CNTN4: variants seen among roughly 807,000 people sequenced by gnomAD.
CNTN4 encodes contactin 4.
In CNTN4, 77 loss-of-function variants were observed where a neutral mutation model predicts 122.5. That is an observed-to-expected ratio of 0.63 (90% CI 0.52 to 0.76). The LOEUF (loss-of-function observed/expected upper bound fraction) is 0.76. Ranked by LOEUF, CNTN4 falls within the 30% of genes least tolerant of loss-of-function variation. CNTN4 has a pLI of 0.00. For synonymous variants in CNTN4, 512 were observed against 447.0 expected, an observed-to-expected ratio of 1.15 and a Z score of -1.83; for missense variants, 1,256 against 1,259.1, an observed-to-expected ratio of 1.00 and a Z score of 0.04.
intron 3 of CNTN4, among the ~76,000 whole-genome samples, chr3:2,377,786 A>G (rs529303376): frequency 4.2e-5 from 4 of 94,744 alleles, no homozygotes; most frequent in Admixed American, 3.8e-4. Flanking sequence ...TTTTTTTTTA[A>G]CCTCATCAGT....
At chr3:2,270,922 C>A (rs1396442714) in intron 2 of CNTN4, among the ~76,000 whole-genome samples, 1 of 152,086 alleles carries the variant, frequency 6.6e-6, no homozygotes, top group Non-Finnish European at 1.5e-5. Context: ...AGGCTGTGGT[C>A]AGTTGGTACC....
intron 3 of CNTN4, among the ~76,000 whole-genome samples, chr3:2,567,334 C>T (rs1164183932): frequency 2.6e-5 from 4 of 151,768 alleles, no homozygotes; most frequent in South Asian, 2.1e-4. Flanking sequence ...GATCCACCCA[C>T]CTCGGCCTCC....
chr3:2,600,151 T>C (rs552495622), intron 4 of CNTN4, among the ~76,000 whole-genome samples: 1 of 151,296 alleles, frequency 6.6e-6, no homozygotes, highest in Non-Finnish European at 1.5e-5. Flanking sequence ...CCCAAACTAC[T>C]CTCTCCTCTC....
chr3:2,590,199 A>G (rs367666186), intron 4 of CNTN4, among the ~76,000 whole-genome samples: 4 of 152,152 alleles, frequency 2.6e-5, no homozygotes, highest in African/African-American at 4.8e-5. Flanking sequence ...TCCATTCTCC[A>G]TGGAGAATCC....
At chr3:2,206,899 A>G (rs1363337133) in intron 2 of CNTN4, among the ~76,000 whole-genome samples, 3 of 148,044 alleles carry the variant, frequency 2.0e-5, no homozygotes, top group Non-Finnish European at 4.5e-5. Context: ...TTTTTAAAGA[A>G]TTTTAAGGTT....
At chr3:2,154,925 A>G (rs113315685) in intron 2 of CNTN4, among the ~76,000 whole-genome samples, 2 of 152,364 alleles carry the variant, frequency 1.3e-5, no homozygotes, top group African/African-American at 4.8e-5. Flanking sequence ...AGTGCTGCTC[A>G]TGGTAAATAG....
chr3:2,704,480 G>T (rs776554657), intron 4 of CNTN4, among the ~76,000 whole-genome samples: 2 of 151,956 alleles, frequency 1.3e-5, no homozygotes, highest in African/African-American at 2.4e-5. Context: ...AATGGCAGAA[G>T]AAAGAAGAGA....
intron 7 of CNTN4, among the ~76,000 whole-genome samples, chr3:2,851,749 TTACC>T (rs1386858123): frequency 6.6e-6 from 1 of 152,228 alleles, no homozygotes; most frequent in East Asian, 1.9e-4. Context: ...AGATACCTAC[TTACC>T]TACTGCCTTT....
rs73009633 is a variant in CNTN4 at position 2,619,241 on chromosome 3, C to T, written c.55+47683C>T. Among the ~76,000 whole-genome samples, 1,264 of 152,212 alleles carry T rather than the reference C, an allele frequency of 8.3e-3. 11 individuals carry two copies. Among genetic ancestry groups the T allele is most frequent in the Non-Finnish European group, 0.014 (961 of 68,014 alleles). The stretch of plus-strand genomic sequence containing the variant: ...AAAAGAAGAGAAAATATCATGATTC[C>T]CAAAACAGTTTTCATCAGGATCAAA... On this transcript the variant is annotated intron_variant, in intron 4 of 24. Transcript: ENST00000418658.
At chr3:2,234,370 CAAAAAAAA>C (rs72401999) in intron 2 of CNTN4, among the ~76,000 whole-genome samples, 3 of 94,742 alleles carry the variant, frequency 3.2e-5, no homozygotes, top group Non-Finnish European at 6.1e-5. Context: ...AAGTCCATCT[CAAAAAAAA>C]AAAAAAAAAA....
rs1014301300 is a variant in CNTN4, at chr3:2,709,221, C to G, written c.56-26994C>G. Among the ~76,000 whole-genome samples the G allele has an allele frequency of 1.3e-5, 2 of 152,118 alleles. No individual in the cohort carries two copies. Among genetic ancestry groups the G allele is most frequent in the Non-Finnish European group, 2.9e-5 (2 of 68,024 alleles). ...ATTTTATTGGTAAAAATAACTATTTCTTTTAGAATAAAGAATGTATTTATA... is the reference window on the plus strand; with the variant it reads ...ATTTTATTGGTAAAAATAACTATTTGTTTTAGAATAAAGAATGTATTTATA... On this transcript the variant is annotated intron_variant, in intron 4 of 24. Coordinates refer to ENST00000418658, the MANE Select transcript of CNTN4 (RefSeq NM_175607.3). The surrounding 1 kb of genome is among the most constrained non-coding windows in gnomAD (Gnocchi z 5.0).
intron 13 of CNTN4, among the ~76,000 whole-genome samples, chr3:2,935,254 G>A (rs1253309000): frequency 1.3e-5 from 2 of 152,076 alleles, no homozygotes; most frequent in Non-Finnish European, 2.9e-5. Context: ...ACATACATGT[G>A]GTTATATAAC....
intron 13 of CNTN4, among the ~76,000 whole-genome samples, chr3:2,962,480 G>A (rs533226558): frequency 6.6e-6 from 1 of 152,332 alleles, no homozygotes; most frequent in African/African-American, 2.4e-5. Flanking sequence ...GGAAGGATAT[G>A]AGGGACTTAG....
intron 15 of CNTN4, among the ~76,000 whole-genome samples, chr3:3,030,273 C>G (rs1337849722): frequency 6.6e-6 from 1 of 152,156 alleles, no homozygotes; most frequent in Non-Finnish European, 1.5e-5. Flanking sequence ...CATTCTTCTG[C>G]TAATCAAACA....
chr3:2,366,758 TAATA>T lies in CNTN4; in HGVS notation c.-89+27540_-89+27543del, dbSNP rs1202573986. On this transcript the variant is annotated intron_variant, in intron 3 of 24. Transcript: ENST00000418658. Reference sequence around the variant, plus strand: ...AAAAAAATAATAATAGTAATAATAATAATAAATAAATAAATAAAAGGGAGTGGAA... The same window carrying T: ...AAAAAAATAATAATAGTAATAATAATAATAAATAAATAAAAGGGAGTGGAA... Among the ~76,000 whole-genome samples the T allele has an allele frequency of 2.1e-3, 320 of 150,524 alleles. 1 individual carries two copies. Among genetic ancestry groups the T allele is most frequent in the African/African-American group, 6.4e-3 (262 of 41,194 alleles).
intron 2 of CNTN4, among the ~76,000 whole-genome samples, chr3:2,267,537 A>G (rs140238240): frequency 3.3e-5 from 5 of 152,224 alleles, no homozygotes; most frequent in Admixed American, 6.6e-5. Context: ...GTTATACATG[A>G]CAATCATATC....
At chr3:2,900,880 A>G in intron 11 of CNTN4, 59 bp downstream of exon 11, 1 of 1,589,384 alleles carries the variant, frequency 6.3e-7, no homozygotes, top group Non-Finnish European at 8.6e-7. Flanking sequence ...ATATAGCCTC[A>G]TTGCCGTGGA....
intron 2 of CNTN4, among the ~76,000 whole-genome samples, chr3:2,218,673 A>G (rs2038946584): frequency 6.6e-6 from 1 of 152,256 alleles, no homozygotes; most frequent in African/African-American, 2.4e-5. Flanking sequence ...ACACGTATGT[A>G]GTACTAAACC....
intron 4 of CNTN4, among the ~76,000 whole-genome samples, chr3:2,655,870 T>C (rs184856144): frequency 6.6e-6 from 1 of 152,330 alleles, no homozygotes; most frequent in East Asian, 1.9e-4. Flanking sequence ...ACTGGGTTTT[T>C]AACTTGCAAA....
Sources: allele counts gnomAD v4.1 joint callset (sites outside exome capture counted in the v4.1 genomes callset), GRCh38; gene constraint gnomAD v4.1.1; non-coding constraint Gnocchi (gnomAD v3.1); transcripts MANE v1.5; gene names NCBI Gene and HGNC (gene_info 2026-07-23, HGNC 2026-07-21).